SLC25A26: variants seen among roughly 807,000 people sequenced by gnomAD.
SLC25A26 encodes solute carrier family 25 member 26.
A neutral mutation model predicts 37.8 loss-of-function variants in SLC25A26; 36 were observed. The observed-to-expected ratio is 0.95, with a 90% CI of 0.73 to 1.26. The LOEUF (loss-of-function observed/expected upper bound fraction) is 1.26, where lower values mean the gene tolerates loss of function less well. Ranked by LOEUF, SLC25A26 falls within the 50% of genes most tolerant of loss-of-function variation. SLC25A26 has a pLI of 0.00. For synonymous variants in SLC25A26, 129 were observed against 122.5 expected (o/e 1.05, Z -0.35); for missense variants, 390 against 331.1 (o/e 1.18, Z -1.38).
At chr3:66,190,504 C>G (rs1247964470) in intron 1 of SLC25A26, among the ~76,000 whole-genome samples, 2 of 152,180 alleles carry the variant, frequency 1.3e-5, no homozygotes, top group African/African-American at 4.8e-5. Context: ...TCTCGGCTCA[C>G]TACAACCTCT....
At chr3:66,372,870 C>G (rs1278794082) in intron 9 of SLC25A26, among the ~76,000 whole-genome samples, 2 of 152,086 alleles carry the variant, frequency 1.3e-5, no homozygotes, top group African/African-American at 4.8e-5. Flanking sequence ...CCGGGGCGTG[C>G]ACTAAGTTTA....
At chr3:66,317,828 G>A (rs1382494509) in intron 5 of SLC25A26, among the ~76,000 whole-genome samples, 1 of 152,208 alleles carries the variant, frequency 6.6e-6, no homozygotes, top group Non-Finnish European at 1.5e-5. Flanking sequence ...ATTCCCACAG[G>A]GAGGCACTAC....
intron 1 of SLC25A26, among the ~76,000 whole-genome samples, chr3:66,149,043 C>T (rs909471398): frequency 1.3e-5 from 2 of 152,128 alleles, no homozygotes; most frequent in African/African-American, 2.4e-5. Context: ...ATCAAGAGCA[C>T]CTGCTTCCTT....
chr3:66,134,129 A>T (rs1451496557), intron 1 of SLC25A26: 1 of 152,220 alleles, frequency 6.6e-6, no homozygotes, highest in Non-Finnish European at 1.5e-5. Context: ...CCAGTGGAAA[A>T]ACAAAACAGG....
intron 1 of SLC25A26, among the ~76,000 whole-genome samples, chr3:66,210,552 G>A (rs1427171465): frequency 6.6e-6 from 1 of 151,928 alleles, no homozygotes; most frequent in African/African-American, 2.4e-5. Context: ...GTCTCACTCT[G>A]TCACTAGGCT....
chr3:66,259,201 G>T lies in SLC25A26; in HGVS notation c.301-2850G>T, dbSNP rs566271790. Among the ~76,000 whole-genome samples, 8 of 152,150 alleles carry T rather than the reference G, an allele frequency of 5.3e-5. No homozygotes were observed. In the South Asian group the frequency reaches 6.2e-4, roughly 12 times the overall value. On this transcript the variant is annotated intron_variant, in intron 3 of 9. Transcript: ENST00000354883. ...GGTGTGCCCTGCAACATTATGTACC[G>T]CCTTCCAGTGTTGCTTGCTCTTTAG...
At chr3:66,195,583 G>A (rs891014129) in intron 1 of SLC25A26, among the ~76,000 whole-genome samples, 7 of 152,238 alleles carry the variant, frequency 4.6e-5, no homozygotes, top group Admixed American at 1.3e-4. Flanking sequence ...CAGGCCCTCG[G>A]GCTAGCGTCT....
chr3:66,134,623 A>T (rs919818195), intron 1 of SLC25A26, among the ~76,000 whole-genome samples: 1 of 152,196 alleles, frequency 6.6e-6, no homozygotes, highest in Non-Finnish European at 1.5e-5. Context: ...ACTATAAAAC[A>T]GTACTTTTTG....
At position 66,324,798 on chromosome 3, in the gene SLC25A26, T is replaced by G. The variant is rs1390719289; in HGVS notation, c.454-21566T>G. On this transcript the variant is annotated intron_variant, in intron 5 of 9. Transcript: ENST00000354883. The stretch of plus-strand genomic sequence containing the variant: ...ATTAAAGTTCTTTTGTAAGCACAGG[T>G]TTTTTTTTTTGGCTTTTTTTGCCTT... Among the ~76,000 whole-genome samples the G allele has an allele frequency of 2.0e-4, 10 of 50,360 alleles. No homozygotes were observed. The East Asian group carries it at 0.012, about 63-fold the overall frequency. 33.0% of individuals were successfully genotyped at this position (50,360 alleles called of 152,430 possible).
At chr3:66,339,764 T>G (rs2076167122) in intron 5 of SLC25A26, among the ~76,000 whole-genome samples, 1 of 152,130 alleles carries the variant, frequency 6.6e-6, no homozygotes, top group Non-Finnish European at 1.5e-5. Context: ...TATTAACCCC[T>G]TATCAGATAC....
At chr3:66,198,958 C>A (rs1351609919) in intron 1 of SLC25A26, among the ~76,000 whole-genome samples, 1 of 151,964 alleles carries the variant, frequency 6.6e-6, no homozygotes, top group African/African-American at 2.4e-5. Flanking sequence ...TGACTTGGCA[C>A]TGACCCTCCA....
intron 5 of SLC25A26, among the ~76,000 whole-genome samples, chr3:66,302,748 A>G (rs1292397505): frequency 6.6e-6 from 1 of 152,242 alleles, no homozygotes; most frequent in African/African-American, 2.4e-5. Flanking sequence ...GCTAGATACA[A>G]CTTGGTGAAA....
chr3:66,367,267 TC>T (rs1440126763), intron 7 of SLC25A26, among the ~76,000 whole-genome samples: 1 of 152,176 alleles, frequency 6.6e-6, no homozygotes, highest in Non-Finnish European at 1.5e-5. Flanking sequence ...ATTTTACAGA[TC>T]AGAAAACTGA....
intron 5 of SLC25A26, among the ~76,000 whole-genome samples, chr3:66,329,611 T>C (rs1318438985): frequency 6.6e-6 from 1 of 152,240 alleles, no homozygotes; most frequent in Non-Finnish European, 1.5e-5. Context: ...AGGAATTGGA[T>C]ATTTATTACA....
chr3:66,326,156 G>C (rs950321646), intron 5 of SLC25A26, among the ~76,000 whole-genome samples: 7 of 152,334 alleles, frequency 4.6e-5, no homozygotes, highest in Admixed American at 2.0e-4. Flanking sequence ...CCAGGAGAAG[G>C]ATAGGCTTTG....
chr3:66,255,676 A>G (rs1378774555), intron 3 of SLC25A26, among the ~76,000 whole-genome samples: 1 of 152,222 alleles, frequency 6.6e-6, no homozygotes, highest in Admixed American at 6.5e-5. Context: ...AGACCCACAG[A>G]TGACATTCTG....
chr3:66,283,630 G>T (rs2074416499), intron 5 of SLC25A26, among the ~76,000 whole-genome samples: 2 of 152,082 alleles, frequency 1.3e-5, no homozygotes, highest in Admixed American at 1.3e-4. Flanking sequence ...AGCAGTATAT[G>T]GTTAGCACTT....
At chr3:66,349,453 G>T (rs1414452665) in intron 6 of SLC25A26, among the ~76,000 whole-genome samples, 1 of 150,980 alleles carries the variant, frequency 6.6e-6, no homozygotes, top group Non-Finnish European at 1.5e-5. Flanking sequence ...TAGATACAGG[G>T]TACTATTATA....
chr3:66,323,571 C>T (rs926039584), intron 5 of SLC25A26, among the ~76,000 whole-genome samples: 1 of 152,046 alleles, frequency 6.6e-6, no homozygotes, highest in Non-Finnish European at 1.5e-5. Flanking sequence ...TTTGAGAGGC[C>T]GAGGCAGGCG....
Sources: allele counts gnomAD v4.1 joint callset (sites outside exome capture counted in the v4.1 genomes callset), GRCh38; gene constraint gnomAD v4.1.1; transcripts MANE v1.5; gene names NCBI Gene and HGNC (gene_info 2026-07-23, HGNC 2026-07-21).